The following DDX60L variants were observed in gnomAD, a reference collection of about 807,000 sequenced individuals.
The protein encoded by DDX60L is DExD/H-box 60 like.
In DDX60L, 191 loss-of-function variants were observed where a neutral mutation model predicts 211.6. The observed-to-expected ratio is 0.90, with a 90% confidence interval of 0.80 to 1.02. The LOEUF is 1.02. DDX60L is among the 50% of genes least tolerant of loss of function. The pLI is 0.00. For missense variants in DDX60L, 2,007 were observed against 1,984.1 expected (o/e 1.01, Z -0.22); for synonymous variants, 706 against 694.1 (o/e 1.02, Z -0.27).
Position 168,423,657 on chromosome 4 carries a change from A to T in DDX60L, c.2048T>A (p.Leu683His). 1 of 1,599,554 alleles carries T rather than the reference A, an allele frequency of 6.3e-7. No individual in the cohort carries two copies. The highest frequency in any genetic ancestry group is 1.1e-5 in the South Asian group (1 of 88,250). The change falls in exon 15 of 38, where the codon CTT becomes CAT. Residue 683 changes from leucine (L) to histidine (H), a missense_variant. Coordinates refer to ENST00000682922, the MANE Select transcript of DDX60L (RefSeq NM_001012967.3). ...AEHHQYIAKC[L>H]KYLGFNDLAN... ...CAGATCATTAAAGCCTAAATATTTA[A>T]GGCATTTAGCTATATATTGATGATG...
chr4:168,407,676 T>C (rs1747988447), intron 22 of DDX60L, among the ~76,000 whole-genome samples: 1 of 152,120 alleles, frequency 6.6e-6, no homozygotes, highest in Non-Finnish European at 1.5e-5. Flanking sequence ...CTTTAAAAAA[T>C]GCCTATTACT....
At chr4:168,361,089 TA>T in intron 37 of DDX60L, 59 bp downstream of exon 37, 1 of 1,187,976 alleles carries the variant, frequency 8.4e-7, no homozygotes. Flanking sequence ...AAGGAAGAGC[TA>T]TATGTTTGCT....
Position 168,379,814 on chromosome 4 carries a change from T to C in DDX60L, c.4133A>G (p.Lys1378Arg). 6.2e-7 allele frequency: 1 copy of C among 1,610,460 alleles called. No individual in the cohort carries two copies. Among genetic ancestry groups the C allele is most frequent in the Non-Finnish European group, 8.5e-7 (1 of 1,178,390 alleles). The change falls in exon 31 of 38, where the codon AAG becomes AGG. Residue 1378 changes from lysine (K) to arginine (R), a missense_variant. Lys to Arg is a conservative substitution (Grantham distance 26). Coordinates refer to ENST00000682922, the MANE Select transcript of DDX60L (RefSeq NM_001012967.3). ...TCTCTTAAAAGACAGCAATGAATGC[T>C]TTAGCACTGACAACACCTATAAAAG... is the stretch of plus-strand genomic sequence containing the variant. The part of the protein sequence containing the change: ...DAKAKVLSVL[K>R]HSLLSFKRRR...
rs1299259196 is a variant in DDX60L, at chr4:168,415,786, CTGAT to C, written c.2736_2739del (p.Ser913Ter). The stretch of plus-strand genomic sequence containing the variant: ...TCTGCCTGTTTCCAGTACTGTTTTA[CTGAT>C]TGCAGCCACCTTACAGAATAAACAT... On this transcript the variant is annotated frameshift_variant, in exon 21 of 38. Coordinates refer to ENST00000682922, the MANE Select transcript of DDX60L (RefSeq NM_001012967.3). LOFTEE classifies it high-confidence loss of function. 1 of 1,561,170 alleles carries C rather than the reference CTGAT, an allele frequency of 6.4e-7. No individual in the cohort carries two copies. The highest frequency in any genetic ancestry group is 1.4e-5 in the African/African-American group (1 of 73,366).
chr4:168,438,539 T>C lies in DDX60L; in HGVS notation c.1294+2798A>G, dbSNP rs889615202. ...TTTAAAATATTTTACAAAGTTTAGT[T>C]TTTCCATTAACAGTTTGGTTTTTAA... On this transcript the variant is annotated intron_variant, in intron 10 of 37. Transcript: ENST00000682922. Among the ~76,000 whole-genome samples, 3 of 152,260 alleles carry C rather than the reference T, an allele frequency of 2.0e-5. No individual in the cohort carries two copies. The South Asian group carries it at 6.2e-4, about 31-fold the overall frequency.
At chr4:168,414,030 G>A (rs1439223847) in intron 22 of DDX60L, among the ~76,000 whole-genome samples, 1 of 152,124 alleles carries the variant, frequency 6.6e-6, no homozygotes, top group Non-Finnish European at 1.5e-5. Flanking sequence ...TATATGTCTG[G>A]CAGCAGACTT....
At chr4:168,387,055 G>T (rs774128938) in intron 29 of DDX60L, among the ~76,000 whole-genome samples, 1 of 152,130 alleles carries the variant, frequency 6.6e-6, no homozygotes, top group Non-Finnish European at 1.5e-5. Flanking sequence ...GCACAGAATA[G>T]AATACGGGCA....
At position 168,405,950 on chromosome 4, in the gene DDX60L, C is replaced by T. The variant is rs1747678091; in HGVS notation, c.3213G>A (p.Lys1071=). The change falls in exon 24 of 38, where the codon AAG becomes AAA. Residue 1071 remains lysine, a splice_region_variant and synonymous_variant. Coordinates refer to ENST00000682922, the MANE Select transcript of DDX60L (RefSeq NM_001012967.3). ...TTGTCCAAGAAAGTGTGAAAATTAC[C>T]TTCTTCACTTGGCCATTTTTAATCC... is the stretch of plus-strand genomic sequence containing the variant. ...TNWIKNGQVK[K]VKRVLKNLSP... 3 of 1,541,140 alleles carry T rather than the reference C, an allele frequency of 1.9e-6. No individual in the cohort carries two copies. The highest frequency in any genetic ancestry group is 2.1e-5 in the Admixed American group (1 of 46,926).
rs751984058 is a variant in DDX60L at position 168,420,392 on chromosome 4, GA to G, written c.2395-13del. On this transcript the variant is annotated splice_polypyrimidine_tract_variant and intron_variant, in intron 17 of 37. Coordinates refer to ENST00000682922, the MANE Select transcript of DDX60L (RefSeq NM_001012967.3). ...TGACCAACAAGGGACTGATTGACAA[GA>G]AAAAAAACCATTAGTCACTTAGTAG... 7.6e-6 allele frequency: 12 copies of G among 1,580,134 alleles called. No individual in the cohort carries two copies. The South Asian group carries it at 8.1e-5, about 11-fold the overall frequency.
intron 22 of DDX60L, among the ~76,000 whole-genome samples, chr4:168,407,286 T>A (rs1230105805): frequency 6.6e-6 from 1 of 152,186 alleles, no homozygotes; most frequent in Non-Finnish European, 1.5e-5. Flanking sequence ...TTACCCTGGT[T>A]ACTGATCAGC....
chr4:168,447,151 C>A (rs967175461), intron 9 of DDX60L, among the ~76,000 whole-genome samples: 13 of 143,346 alleles, frequency 9.1e-5, no homozygotes, highest in Non-Finnish European at 1.5e-4. Context: ...GGGCTAATAT[C>A]CAGAATCTAC....
In DDX60L at chr4:168,396,069, C is replaced by A. The variant is rs1745708918; in HGVS notation, c.3547G>T (p.Ala1183Ser). The change falls in exon 27 of 38, where the codon GCT becomes TCT. Residue 1183 changes from alanine (A) to serine (S), a missense_variant. Physicochemically the swap from Ala to Ser is moderately conservative, Grantham distance 99. Coordinates refer to ENST00000682922, the MANE Select transcript of DDX60L (RefSeq NM_001012967.3). Reference protein sequence around the residue: ...EKLERKKVYRAEYINFLENLK... With the variant: ...EKLERKKVYRSEYINFLENLK... ...TTCTCCAGGAAATTAATATATTCAG[C>A]TCTATACACTTTTTTTCTTTCCAGT... is the stretch of plus-strand genomic sequence containing the variant. 1.9e-6 allele frequency: 3 copies of A among 1,593,872 alleles called. No individual in the cohort carries two copies. In the African/African-American group the frequency reaches 4.1e-5, roughly 22 times the overall value.
At chr4:168,378,603 G>T in intron 32 of DDX60L, 128 bp from the exon 33 acceptor site, 4 of 623,214 alleles carry the variant, frequency 6.4e-6, no homozygotes, top group Non-Finnish European at 1.1e-5. Context: ...ATATACCTCA[G>T]AAATTGACCA....
rs367874017 is a variant in DDX60L, at chr4:168,377,309, A to T, written c.4485+1045T>A. Among the ~76,000 whole-genome samples the T allele has an allele frequency of 5.0e-4, 32 of 63,728 alleles. 1 individual carries two copies. Among genetic ancestry groups the T allele is most frequent in the South Asian group, 7.1e-4 (2 of 2,810 alleles). The allele number at this position is 63,728 out of a possible 152,430, so 41.8% of individuals were successfully genotyped here. A position where few individuals can be genotyped will look rare whatever the true frequency, so the allele number is the denominator to read the frequency against. On this transcript the variant is annotated intron_variant, in intron 33 of 37. Transcript: ENST00000682922. Reference sequence around the variant, plus strand: ...TCTGTCTCAAATAAATAAATAAATAAATAAATAAATAAATAAATAAATAAA... The same window carrying T: ...TCTGTCTCAAATAAATAAATAAATATATAAATAAATAAATAAATAAATAAA...
chr4:168,394,881 G>C lies in DDX60L; in HGVS notation c.3658-264C>G, dbSNP rs566158364. Among the ~76,000 whole-genome samples, 10 of 152,324 alleles carry C rather than the reference G, an allele frequency of 6.6e-5. No homozygotes were observed. In the East Asian group the frequency reaches 1.2e-3, roughly 18 times the overall value. On this transcript the variant is annotated intron_variant, in intron 27 of 37. Transcript: ENST00000682922. ...CAGATCAAATGCCCAGGACAGATGA[G>C]TAAACAATCTTCTGCTGCCTGAGAG...
rs540838429 is a variant in DDX60L, at chr4:168,476,905, G to T, written c.-111+3472C>A. On this transcript the variant is annotated intron_variant, in intron 1 of 37. Transcript: ENST00000682922. The stretch of plus-strand genomic sequence containing the variant: ...TCTATTCTTCTCTTTTAAAAAGTTA[G>T]GTGCAAAGAACATTAAGACTCCAGG... 3.9e-5 allele frequency among the ~76,000 whole-genome samples: 6 copies of T among 152,218 alleles called. No homozygotes were observed. The South Asian group carries it at 1.2e-3, about 32-fold the overall frequency.
At chr4:168,416,301 A>C (rs1333058101) in intron 20 of DDX60L, among the ~76,000 whole-genome samples, 2 of 152,234 alleles carry the variant, frequency 1.3e-5, no homozygotes, top group Non-Finnish European at 2.9e-5. Flanking sequence ...CTTACTTCAG[A>C]TGACATTTAC....
rs1439044588 is a variant in DDX60L, at chr4:168,396,923, C to A, written c.3492-799G>T. Among the ~76,000 whole-genome samples, 6 of 152,172 alleles carry A rather than the reference C, an allele frequency of 3.9e-5. No homozygotes were observed. In the East Asian group the frequency reaches 9.6e-4, roughly 24 times the overall value. ...GTTACAGACTGAATGTTTGTGCCCC[C>A]TCAAAACAAATTCATATGTTGAAAT... On this transcript the variant is annotated intron_variant, in intron 26 of 37. Transcript: ENST00000682922.
At chr4:168,406,213 T>C (rs1747724093) in intron 23 of DDX60L, 135 bp from the exon 24 acceptor site, 3 of 772,718 alleles carry the variant, frequency 3.9e-6, no homozygotes, top group Non-Finnish European at 2.0e-6. Flanking sequence ...GTTGAACATC[T>C]TTTTACCTCC....
Sources: gnomAD v4.1 joint callset for allele counts (sites outside exome capture counted in the v4.1 genomes callset) on GRCh38, gnomAD v4.1.1 for gene constraint, MANE v1.5 for transcripts, NCBI Gene and HGNC (gene_info 2026-07-23, HGNC 2026-07-21) for gene names.